Variants in MEGF10 observed in about 807,000 individuals in gnomAD.
MEGF10 encodes the protein multiple epidermal growth factor-like domains protein 10.
In MEGF10, 86 loss-of-function variants were observed where a neutral mutation model predicts 147.5. The ratio of observed to expected loss-of-function variants is 0.58; its 90% CI spans 0.49 to 0.70. The LOEUF is 0.70. MEGF10 is among the 30% of genes least tolerant of loss of function. The pLI is 0.00. For synonymous variants in MEGF10, 478 were observed against 525.5 expected (o/e 0.91, Z 1.24); for missense variants, 1,329 against 1,487.3 (o/e 0.89, Z 1.75).
intron 5 of MEGF10, among the ~76,000 whole-genome samples, chr5:127,383,828 G>A (rs1016518379): frequency 3.9e-5 from 6 of 152,134 alleles, no homozygotes; most frequent in East Asian, 1.9e-4. Context: ...AGCATTATTC[G>A]TAGTCTCTCA....
chr5:127,452,929 G>C (rs1766210593), intron 22 of MEGF10, among the ~76,000 whole-genome samples: 3 of 152,106 alleles, frequency 2.0e-5, no homozygotes, highest in Admixed American at 6.5e-5. Context: ...AGATGCAAGA[G>C]AGTGTGCCTG....
At chr5:127,341,947 C>A (rs957507485) in intron 4 of MEGF10, among the ~76,000 whole-genome samples, 1 of 152,082 alleles carries the variant, frequency 6.6e-6, no homozygotes, top group African/African-American at 2.4e-5. Flanking sequence ...AAATTCCTAG[C>A]AGTAGAATTG....
the MEGF10 span, among the ~76,000 whole-genome samples, chr5:127,271,076 C>T: frequency 1.4e-4 from 21 of 152,050 alleles, no homozygotes; most frequent in Admixed American, 1.4e-3. Context: ...GGGTATATAC[C>T]CAGTAATGGG....
At position 127,291,359 on chromosome 5, in the gene MEGF10, T is replaced by C. The variant is rs368302639; in HGVS notation, c.-19+303T>C. Reference sequence around the variant, plus strand: ...TTGTATTGCCTTACCTTGTGTTTGTTTCATTTTGCCGGGCGATATAGCTGG... The same window carrying C: ...TTGTATTGCCTTACCTTGTGTTTGTCTCATTTTGCCGGGCGATATAGCTGG... On this transcript the variant is annotated intron_variant, in intron 1 of 24. Coordinates refer to ENST00000503335, the MANE Select transcript of MEGF10 (RefSeq NM_001256545.2). Among the ~76,000 whole-genome samples, 11 of 152,316 alleles carry C rather than the reference T, an allele frequency of 7.2e-5. 1 individual carries two copies. The highest frequency in any genetic ancestry group is 4.6e-4 in the Admixed American group (7 of 15,306).
chr5:127,374,723 A>G (rs1762964819), intron 5 of MEGF10, among the ~76,000 whole-genome samples: 1 of 152,254 alleles, frequency 6.6e-6, no homozygotes, highest in Non-Finnish European at 1.5e-5. Context: ...CTAGCATGTA[A>G]AACAGAAAGG....
chr5:127,308,116 C>A (rs1760100658), intron 1 of MEGF10, among the ~76,000 whole-genome samples: 1 of 152,154 alleles, frequency 6.6e-6, no homozygotes, highest in Non-Finnish European at 1.5e-5. Flanking sequence ...TGTGGGAGTA[C>A]CTGCCAGGAG....
intron 5 of MEGF10, among the ~76,000 whole-genome samples, chr5:127,370,529 T>A (rs1254718239): frequency 6.6e-6 from 1 of 152,188 alleles, no homozygotes; most frequent in African/African-American, 2.4e-5. Flanking sequence ...TTATCTGTAA[T>A]AAAAGAAAAT....
At chr5:127,381,835 T>C (rs1763276037) in intron 5 of MEGF10, among the ~76,000 whole-genome samples, 1 of 152,150 alleles carries the variant, frequency 6.6e-6, no homozygotes, top group Non-Finnish European at 1.5e-5. Context: ...CATGCTCAGC[T>C]AATTTTTGTA....
chr5:127,437,839 A>C (rs1765614963), intron 16 of MEGF10, among the ~76,000 whole-genome samples: 2 of 152,224 alleles, frequency 1.3e-5, no homozygotes. Flanking sequence ...AATTGTGAAC[A>C]TGAGCTACAT....
chr5:127,309,953 CTTT>C (rs1561561871), intron 1 of MEGF10, among the ~76,000 whole-genome samples: 4 of 54,368 alleles, frequency 7.4e-5, no homozygotes, highest in Admixed American at 1.8e-4. Context: ...CCAACTCTTT[CTTT>C]CTTTCTTTCT....
At chr5:127,279,395 T>G in the MEGF10 span, among the ~76,000 whole-genome samples, 1 of 152,056 alleles carries the variant, frequency 6.6e-6, no homozygotes, top group South Asian at 2.1e-4. Context: ...TGAGGTAGGA[T>G]GGAGAACATG....
At chr5:127,436,407 C>CTTATT (rs1765554650) in intron 16 of MEGF10, among the ~76,000 whole-genome samples, 1 of 152,084 alleles carries the variant, frequency 6.6e-6, no homozygotes, top group Non-Finnish European at 1.5e-5. Flanking sequence ...GGGAAGAGAG[C>CTTATT]TAATAAATCT....
At chr5:127,245,955 A>G in the MEGF10 span, among the ~76,000 whole-genome samples, 4 of 152,232 alleles carry the variant, frequency 2.6e-5, no homozygotes, top group Admixed American at 2.0e-4. Context: ...TTAGGAAACA[A>G]CAGATGCTGG....
intron 1 of MEGF10, among the ~76,000 whole-genome samples, chr5:127,306,295 T>C (rs149017308): frequency 6.1e-4 from 93 of 152,270 alleles, no homozygotes; most frequent in Middle Eastern, 6.8e-3. Flanking sequence ...AATATGTCAC[T>C]GCTGAGAAGG....
intron 10 of MEGF10, among the ~76,000 whole-genome samples, chr5:127,418,224 T>G (rs562502111): frequency 6.6e-6 from 1 of 152,324 alleles, no homozygotes; most frequent in African/African-American, 2.4e-5. Context: ...CATTCTGTAG[T>G]TGGTAGTACA....
At chr5:127,350,890 G>A (rs1762061082) in intron 4 of MEGF10, among the ~76,000 whole-genome samples, 2 of 151,916 alleles carry the variant, frequency 1.3e-5, no homozygotes, top group Middle Eastern at 3.2e-3. Context: ...AATCACATCC[G>A]GGTAAATGGG....
chr5:127,434,620 T>A (rs892662006), intron 14 of MEGF10, 67 bp from the exon 15 acceptor site: 1 of 1,494,418 alleles, frequency 6.7e-7, no homozygotes, highest in Non-Finnish European at 9.0e-7. Flanking sequence ...TTTAACTAGA[T>A]CCCGATCTGG....
the MEGF10 span, among the ~76,000 whole-genome samples, chr5:127,280,540 C>T: frequency 6.6e-6 from 1 of 152,206 alleles, no homozygotes; most frequent in African/African-American, 2.4e-5. Context: ...CTGAAGTCTC[C>T]TGTAGTATGT....
At chr5:127,379,710 G>T (rs1475115394) in intron 5 of MEGF10, among the ~76,000 whole-genome samples, 1 of 141,258 alleles carries the variant, frequency 7.1e-6, no homozygotes, top group Non-Finnish European at 1.5e-5. Flanking sequence ...AGTGATTCTT[G>T]TCTCTCAGCC....
Sources: allele counts gnomAD v4.1 joint callset (sites outside exome capture counted in the v4.1 genomes callset), GRCh38; gene constraint gnomAD v4.1.1; transcripts MANE v1.5; gene names NCBI Gene and HGNC (gene_info 2026-07-23, HGNC 2026-07-21).